LHPP: variants seen among roughly 807,000 people sequenced by gnomAD.
LHPP encodes the protein phospholysine phosphohistidine inorganic pyrophosphate phosphatase.
In LHPP, 24 loss-of-function variants were observed where a neutral mutation model predicts 30.3. The observed-to-expected ratio is 0.79, with a 90% CI of 0.57 to 1.11. LHPP has a LOEUF of 1.11. Among genes scored for constraint, LHPP ranks in the 50% most tolerant of loss-of-function variants. The pLI, the probability that LHPP is intolerant of heterozygous loss-of-function variation, is 0.00. For missense variants in LHPP, 356 were observed against 367.2 expected (o/e 0.97, Z 0.25); for synonymous variants, 150 against 157.1 (o/e 0.95, Z 0.34).
intron 5 of LHPP, among the ~76,000 whole-genome samples, chr10:124,511,849 C>T (rs1414980593): frequency 6.6e-6 from 1 of 152,184 alleles, no homozygotes; most frequent in Non-Finnish European, 1.5e-5. Context: ...GCATGGCGTG[C>T]CCTGGTGAGT....
chr10:124,552,196 A>C (rs1948181049), intron 6 of LHPP, among the ~76,000 whole-genome samples: 1 of 152,170 alleles, frequency 6.6e-6, no homozygotes, highest in Non-Finnish European at 1.5e-5. Context: ...TGGCAGCAGC[A>C]GCCATGGTGC....
chr10:124,558,229 G>T (rs1270704381), intron 6 of LHPP, among the ~76,000 whole-genome samples: 1 of 152,168 alleles, frequency 6.6e-6, no homozygotes, highest in Non-Finnish European at 1.5e-5. Flanking sequence ...GGAGCAGCTG[G>T]AAAGGCTGCC....
At chr10:124,612,635 G>T (rs1440759221) in intron 6 of LHPP, among the ~76,000 whole-genome samples, 7 of 152,338 alleles carry the variant, frequency 4.6e-5, no homozygotes, top group African/African-American at 1.7e-4. Context: ...CTCAGGAGAT[G>T]CCTGGGGAAT....
At chr10:124,519,082 G>A (rs1258626193) in intron 6 of LHPP, among the ~76,000 whole-genome samples, 1 of 152,158 alleles carries the variant, frequency 6.6e-6, no homozygotes, top group Non-Finnish European at 1.5e-5. Context: ...CGAGTAGCTG[G>A]GACTACAGGT....
chr10:124,511,883 C>G lies in LHPP; in HGVS notation c.625-5297C>G, dbSNP rs552303613. Among the ~76,000 whole-genome samples, 7 of 152,212 alleles carry G rather than the reference C, an allele frequency of 4.6e-5. No individual in the cohort carries two copies. In the South Asian group the frequency reaches 1.4e-3, roughly 32 times the overall value. The stretch of plus-strand genomic sequence containing the variant: ...GTGGTGGGGAGATGGGTAGTGAACA[C>G]GTGTGGTAGCCCCTGCTGGGCGTGT... On this transcript the variant is annotated intron_variant, in intron 5 of 6. Coordinates refer to ENST00000368842, the MANE Select transcript of LHPP (RefSeq NM_022126.4).
intron 6 of LHPP, among the ~76,000 whole-genome samples, chr10:124,519,558 A>T (rs1353592514): frequency 6.6e-6 from 1 of 152,104 alleles, no homozygotes; most frequent in Admixed American, 6.5e-5. Context: ...TATACACTGT[A>T]CCCAGTGTGT....
At chr10:124,492,059 C>T (rs931437576) in intron 3 of LHPP, among the ~76,000 whole-genome samples, 8 of 152,314 alleles carry the variant, frequency 5.3e-5, no homozygotes, top group African/African-American at 1.4e-4. Flanking sequence ...CACATTCCTG[C>T]ACACACAGCA....
intron 6 of LHPP, among the ~76,000 whole-genome samples, chr10:124,571,304 C>T (rs1948581348): frequency 6.6e-6 from 1 of 152,234 alleles, no homozygotes; most frequent in Non-Finnish European, 1.5e-5. Context: ...GACACGTTTC[C>T]AGTTGTCTTG....
In LHPP at chr10:124,576,391, G is replaced by T. The variant is rs74416582; in HGVS notation, c.717-36873G>T. Among the ~76,000 whole-genome samples, 1 of 149,892 alleles carries T rather than the reference G, an allele frequency of 6.7e-6. No individual in the cohort carries two copies. Among genetic ancestry groups the T allele is most frequent in the African/African-American group, 2.5e-5 (1 of 40,582 alleles). On this transcript the variant is annotated intron_variant, in intron 6 of 6. Coordinates refer to ENST00000368842, the MANE Select transcript of LHPP (RefSeq NM_022126.4). The surrounding 1 kb of genome is among the most constrained non-coding windows in gnomAD (Gnocchi z 4.2). ...GGGTTGCCCCCAGGACCCCCCTTGC[G>T]GTACCCGTATATCCCACCCCCAGAC...
At chr10:124,488,813 G>A (rs1953420557) in intron 3 of LHPP, among the ~76,000 whole-genome samples, 1 of 152,140 alleles carries the variant, frequency 6.6e-6, no homozygotes, top group African/African-American at 2.4e-5. Flanking sequence ...GCTTCCATGT[G>A]GAGTCTAGAC....
Position 124,478,806 on chromosome 10 carries a change from C to T in LHPP, c.126-5333C>T, listed in dbSNP as rs1257649401. Among the ~76,000 whole-genome samples the T allele has an allele frequency of 1.3e-5, 2 of 152,196 alleles. No individual in the cohort carries two copies. Among genetic ancestry groups the T allele is most frequent in the Non-Finnish European group, 1.5e-5 (1 of 68,034 alleles). ...GGCTCAGGCCGGGTGCCATGGCTCA[C>T]GCCTGTAATTCCAGCACTTTGGGAG... is the stretch of plus-strand genomic sequence containing the variant. On this transcript the variant is annotated intron_variant, in intron 1 of 6. Coordinates refer to ENST00000368842, the MANE Select transcript of LHPP (RefSeq NM_022126.4). This position sits in a 1 kb window ranked among gnomAD's most constrained non-coding sequence, Gnocchi z 4.7.
intron 6 of LHPP, among the ~76,000 whole-genome samples, chr10:124,580,721 C>CT (rs369288920): frequency 0.078 from 5,881 of 75,582 alleles, 157 homozygotes; most frequent in East Asian, 0.3. Context: ...TTTTTTTTTT[C>CT]TTTTTTTTTT....
At chr10:124,524,965 A>C (rs1954696215) in intron 6 of LHPP, among the ~76,000 whole-genome samples, 1 of 152,248 alleles carries the variant, frequency 6.6e-6, no homozygotes, top group African/African-American at 2.4e-5. Context: ...TCTAAGGTCA[A>C]GAATTAGGAG....
At chr10:124,498,595 G>T in intron 5 of LHPP, 1 of 842,656 alleles carries the variant, frequency 1.2e-6, no homozygotes, top group South Asian at 1.8e-5. Context: ...TGATTTTATT[G>T]TCTACACCTA....
At chr10:124,554,033 G>C (rs2133962890) in intron 6 of LHPP, 1 of 985,472 alleles carries the variant, frequency 1.0e-6, no homozygotes. Flanking sequence ...CTCCACTGCA[G>C]ATAGAAGAAG....
chr10:124,583,388 T>C (rs1948765985), intron 6 of LHPP, among the ~76,000 whole-genome samples: 1 of 152,190 alleles, frequency 6.6e-6, no homozygotes, highest in South Asian at 2.1e-4. Flanking sequence ...CCCAGCAGCA[T>C]TTGTTGAAGG....
At position 124,517,318 on chromosome 10, in the gene LHPP, AC is replaced by A; in HGVS notation, c.716+49del. ...TTATTCACCTTCCTTCCAGGGGATG[AC>A]CACATTCTCATTCTGTTTTGTTCTT... On this transcript the variant is annotated intron_variant, in intron 6 of 6. Coordinates refer to ENST00000368842, the MANE Select transcript of LHPP (RefSeq NM_022126.4). This position sits in a 1 kb window ranked among gnomAD's most constrained non-coding sequence, Gnocchi z 4.1. 1 of 1,216,332 alleles carries A rather than the reference AC, an allele frequency of 8.2e-7. No individual in the cohort carries two copies. Among genetic ancestry groups the A allele is most frequent in the Non-Finnish European group, 1.2e-6 (1 of 866,026 alleles). The allele number at this position is 1,216,332 out of a possible 1,614,324, so 75.3% of individuals were successfully genotyped here.
chr10:124,494,839 TC>T (rs1953656585), intron 3 of LHPP, among the ~76,000 whole-genome samples: 1 of 152,110 alleles, frequency 6.6e-6, no homozygotes, highest in Admixed American at 6.5e-5. Context: ...AGACTGTGAG[TC>T]CCTGTGGAGC....
chr10:124,528,522 C>A (rs1954803058), intron 6 of LHPP, among the ~76,000 whole-genome samples: 1 of 152,170 alleles, frequency 6.6e-6, no homozygotes, highest in East Asian at 1.9e-4. Context: ...CCACACCCGG[C>A]TAATTTTTGT....
Sources: gnomAD v4.1 joint callset for allele counts (sites outside exome capture counted in the v4.1 genomes callset) on GRCh38, gnomAD v4.1.1 for gene constraint, Gnocchi (gnomAD v3.1) non-coding constraint, MANE v1.5 for transcripts, NCBI Gene and HGNC (gene_info 2026-07-23, HGNC 2026-07-21) for gene names.